MYO3B: variants seen among roughly 807,000 people sequenced by gnomAD.
MYO3B encodes the protein myosin-IIIb.
A neutral mutation model predicts 174.6 loss-of-function variants in MYO3B; 156 were observed. The observed-to-expected ratio is 0.89, with a 90% CI of 0.78 to 1.02. The LOEUF (loss-of-function observed/expected upper bound fraction) is 1.02, where lower values mean the gene tolerates loss of function less well. Among genes scored for constraint, MYO3B ranks in the 50% least tolerant of loss-of-function variants. The pLI is 0.00. For missense variants in MYO3B, 1,632 were observed against 1,639.4 expected, an observed-to-expected ratio of 1.00 and a Z score of 0.08; for synonymous variants, 563 against 569.1, an observed-to-expected ratio of 0.99 and a Z score of 0.15.
chr2:170,435,045 T>G (rs562144220), intron 22 of MYO3B, among the ~76,000 whole-genome samples: 1 of 152,390 alleles, frequency 6.6e-6, no homozygotes, highest in African/African-American at 2.4e-5. Context: ...TGTTATAAAC[T>G]GAAATTGGAA....
intron 32 of MYO3B, among the ~76,000 whole-genome samples, chr2:170,604,003 C>T (rs1195071532): frequency 3.9e-5 from 6 of 152,180 alleles, no homozygotes; most frequent in African/African-American, 9.7e-5. Flanking sequence ...TGTACAGGAA[C>T]ATGCTATACA....
intron 12 of MYO3B, 46 bp downstream of exon 12, chr2:170,383,860 T>C (rs1434300186): frequency 6.9e-7 from 1 of 1,439,762 alleles, no homozygotes; most frequent in Non-Finnish European, 9.8e-7. Context: ...AGTTAAGACA[T>C]GTTGTGTCTT....
At chr2:170,221,733 A>G (rs1360994982) in intron 6 of MYO3B, among the ~76,000 whole-genome samples, 1 of 136,858 alleles carries the variant, frequency 7.3e-6, no homozygotes, top group Non-Finnish European at 1.7e-5. Context: ...AGTCAAGATC[A>G]GTAGAATTTT....
At chr2:170,649,389 AAAAATAT>A (rs1380135669) in intron 32 of MYO3B, among the ~76,000 whole-genome samples, 25 of 122,318 alleles carry the variant, frequency 2.0e-4, no homozygotes, top group African/African-American at 5.9e-4. Context: ...TATATTATAT[AAAAATAT>A]AAAATATAAA....
chr2:170,448,271 T>C (rs1181025241), intron 23 of MYO3B, among the ~76,000 whole-genome samples: 1 of 152,206 alleles, frequency 6.6e-6, no homozygotes. Context: ...AAGGACAGCT[T>C]GGAGGTTAGA....
chr2:170,416,453 G>A (rs1452265140), intron 22 of MYO3B, among the ~76,000 whole-genome samples: 1 of 103,498 alleles, frequency 9.7e-6, no homozygotes, highest in African/African-American at 3.1e-5. Flanking sequence ...GAACCTCAGA[G>A]TGGAGGTTGC....
chr2:170,530,480 T>G (rs188706608), intron 30 of MYO3B, among the ~76,000 whole-genome samples: 1 of 152,274 alleles, frequency 6.6e-6, no homozygotes, highest in Admixed American at 6.5e-5. Context: ...GGGAAGTGGT[T>G]CAACACCACC....
chr2:170,318,051 C>T (rs1306191172), intron 7 of MYO3B, among the ~76,000 whole-genome samples: 3 of 152,146 alleles, frequency 2.0e-5, no homozygotes, highest in Non-Finnish European at 2.9e-5. Context: ...TTTGTTTTCT[C>T]GTCTGTGAAA....
At chr2:170,227,573 C>T (rs768430147) in intron 6 of MYO3B, among the ~76,000 whole-genome samples, 24 of 152,206 alleles carry the variant, frequency 1.6e-4, no homozygotes, top group Non-Finnish European at 8.8e-5. Flanking sequence ...GCATGAGCCA[C>T]AGTGCCCGGC....
intron 7 of MYO3B, among the ~76,000 whole-genome samples, chr2:170,295,317 A>G (rs1257374099): frequency 6.6e-6 from 1 of 151,674 alleles, no homozygotes; most frequent in Non-Finnish European, 1.5e-5. Context: ...TTTTCTATTT[A>G]TGATCCTTTT....
intron 7 of MYO3B, among the ~76,000 whole-genome samples, chr2:170,244,723 T>C (rs1267330298): frequency 2.0e-5 from 3 of 152,196 alleles, no homozygotes; most frequent in Non-Finnish European, 4.4e-5. Flanking sequence ...TAGAAAGCTG[T>C]GATCACTAGG....
chr2:170,502,460 C>A (rs13414731), intron 28 of MYO3B, among the ~76,000 whole-genome samples: 4,991 of 152,274 alleles, frequency 0.033, 279 homozygotes, highest in African/African-American at 0.11. Flanking sequence ...CTCTGGGCCC[C>A]ATGGCATGAG....
intron 31 of MYO3B, among the ~76,000 whole-genome samples, chr2:170,543,368 A>G (rs1251214864): frequency 6.6e-6 from 1 of 152,194 alleles, no homozygotes; most frequent in African/African-American, 2.4e-5. Context: ...TGGAGCCCAC[A>G]GCAGGCTTTG....
chr2:170,530,547 C>T (rs1485060033), intron 30 of MYO3B, among the ~76,000 whole-genome samples: 2 of 152,204 alleles, frequency 1.3e-5, no homozygotes, highest in African/African-American at 4.8e-5. Flanking sequence ...AACCACATGG[C>T]CGCTCTCGGG....
At chr2:170,210,793 A>G (rs1019477428) in intron 3 of MYO3B, among the ~76,000 whole-genome samples, 2 of 152,238 alleles carry the variant, frequency 1.3e-5, no homozygotes, top group Non-Finnish European at 2.9e-5. Context: ...ACTAAAACGT[A>G]CCACAGCTTT....
chr2:170,374,808 A>G (rs923636536), intron 9 of MYO3B, among the ~76,000 whole-genome samples: 3 of 149,124 alleles, frequency 2.0e-5, no homozygotes, highest in African/African-American at 7.7e-5. Flanking sequence ...CACTACAGAT[A>G]TAGATACAGG....
chr2:170,613,387 C>T (rs1009434974), intron 32 of MYO3B, among the ~76,000 whole-genome samples: 1 of 152,182 alleles, frequency 6.6e-6, no homozygotes. Flanking sequence ...CACCTCAGTC[C>T]TTCCATCCTC....
Position 170,200,561 on chromosome 2 carries a change from C to T in MYO3B, c.321+277C>T, listed in dbSNP as rs557472094. ...ATAATTGAAAACATTAATTTTCTTC[C>T]CTAACATTTAATTGTAAACATGTTT... On this transcript the variant is annotated intron_variant, in intron 3 of 34. Coordinates refer to ENST00000408978, the MANE Select transcript of MYO3B (RefSeq NM_138995.5). Among the ~76,000 whole-genome samples, 6 of 152,248 alleles carry T rather than the reference C, an allele frequency of 3.9e-5. No individual in the cohort carries two copies. In the East Asian group the frequency reaches 1.2e-3, roughly 29 times the overall value.
intron 22 of MYO3B, among the ~76,000 whole-genome samples, chr2:170,434,168 AT>A (rs2094732973): frequency 6.6e-6 from 1 of 152,146 alleles, no homozygotes; most frequent in Admixed American, 6.6e-5. Flanking sequence ...ATGAACTAAG[AT>A]TTTTTAGTAT....
Sources: allele counts gnomAD v4.1 joint callset (sites outside exome capture counted in the v4.1 genomes callset), GRCh38; gene constraint gnomAD v4.1.1; transcripts MANE v1.5; gene names NCBI Gene and HGNC (gene_info 2026-07-23, HGNC 2026-07-21).